Variants in ZNF713 observed in about 807,000 individuals in gnomAD.
ZNF713 encodes zinc finger protein 713.
In ZNF713, 21 loss-of-function variants were observed where a neutral mutation model predicts 28.7. The ratio of observed to expected loss-of-function variants is 0.73; its 90% confidence interval spans 0.52 to 1.05. ZNF713 has a LOEUF of 1.05. Ranked by LOEUF, ZNF713 falls within the 50% of genes least tolerant of loss-of-function variation. The pLI, the probability that ZNF713 is intolerant of heterozygous loss-of-function variation, is 0.00. For synonymous variants in ZNF713, 167 were observed against 178.0 expected (o/e 0.94, Z 0.49); for missense variants, 458 against 532.4 (o/e 0.86, Z 1.37).
At chr7:55,932,108 CTG>C (rs1459348772) in intron 6 of ZNF713, among the ~76,000 whole-genome samples, 2 of 152,322 alleles carry the variant, frequency 1.3e-5, no homozygotes, top group Admixed American at 6.5e-5. Context: ...TCAGGTATAA[CTG>C]TAATCACATA....
At chr7:55,936,034 G>A (rs1584320856) in intron 6 of ZNF713, among the ~76,000 whole-genome samples, 1 of 151,818 alleles carries the variant, frequency 6.6e-6, no homozygotes, top group Non-Finnish European at 1.5e-5. Flanking sequence ...GGAGGCGGAG[G>A]CAGGTGGATC....
chr7:55,894,403 A>G (rs2116167038), intron 1 of ZNF713, among the ~76,000 whole-genome samples: 1 of 152,340 alleles, frequency 6.6e-6, no homozygotes, highest in African/African-American at 2.4e-5. Context: ...ACAATAGTGG[A>G]AAAATGGACA....
intron 4 of ZNF713, 54 bp downstream of exon 4, chr7:55,912,777 C>G (rs1785809659): frequency 9.6e-6 from 14 of 1,462,404 alleles, no homozygotes; most frequent in Non-Finnish European, 1.3e-5. Flanking sequence ...AATGTGGGCA[C>G]TTTTACTTTT....
At chr7:55,918,935 A>G (rs542571291) in intron 4 of ZNF713, among the ~76,000 whole-genome samples, 1 of 152,236 alleles carries the variant, frequency 6.6e-6, no homozygotes, top group East Asian at 1.9e-4. Context: ...CGGAGGTTGC[A>G]GTGAGCCCAG....
intron 4 of ZNF713, among the ~76,000 whole-genome samples, chr7:55,913,718 C>T (rs1177652154): frequency 2.0e-5 from 3 of 152,132 alleles, no homozygotes; most frequent in African/African-American, 4.8e-5. Context: ...ATATTTGCCA[C>T]GTGTCAGTTG....
intron 1 of ZNF713, among the ~76,000 whole-genome samples, chr7:55,905,484 G>A (rs1351608612): frequency 6.6e-6 from 1 of 152,052 alleles, no homozygotes; most frequent in Admixed American, 6.6e-5. Context: ...TGGGGGTTCT[G>A]GAACCAGTGT....
chr7:55,930,498 G>A (rs1435329367), intron 6 of ZNF713, among the ~76,000 whole-genome samples: 2 of 152,110 alleles, frequency 1.3e-5, no homozygotes, highest in African/African-American at 4.8e-5. Flanking sequence ...AGTTTTATGG[G>A]AACACAACCA....
At chr7:55,893,855 C>T (rs541356547) in intron 1 of ZNF713, among the ~76,000 whole-genome samples, 6 of 152,198 alleles carry the variant, frequency 3.9e-5, no homozygotes, top group African/African-American at 9.6e-5. Flanking sequence ...GCTGGGATTA[C>T]AGGCATGAGC....
chr7:55,920,102 G>A (rs1006224115), intron 4 of ZNF713, among the ~76,000 whole-genome samples: 6 of 152,036 alleles, frequency 3.9e-5, no homozygotes, highest in Non-Finnish European at 7.4e-5. Context: ...CCCTACAATG[G>A]CCTCTGAGCA....
chr7:55,919,569 G>A (rs980507584), intron 4 of ZNF713, among the ~76,000 whole-genome samples: 3 of 132,270 alleles, frequency 2.3e-5, no homozygotes, highest in Non-Finnish European at 3.1e-5. Flanking sequence ...GCAGTGGCAC[G>A]ATCCTGGCTC....
intron 1 of ZNF713, among the ~76,000 whole-genome samples, chr7:55,902,024 C>A (rs906903241): frequency 2.0e-5 from 3 of 152,134 alleles, no homozygotes; most frequent in African/African-American, 7.2e-5. Flanking sequence ...AACCTCGTCT[C>A]TACTAAAAAT....
chr7:55,923,391 T>C, intron 5 of ZNF713, 103 bp downstream of exon 5: 1 of 1,448,232 alleles, frequency 6.9e-7, no homozygotes, highest in Non-Finnish European at 9.3e-7. Context: ...TGGGCTGGGA[T>C]AGAAGAATGC....
At position 55,896,227 on chromosome 7, in the gene ZNF713, A is replaced by G. The variant is rs555568685; in HGVS notation, c.-583+8547A>G. Among the ~76,000 whole-genome samples the G allele has an allele frequency of 7.2e-5, 11 of 152,318 alleles. 1 individual carries two copies. In the South Asian group the frequency reaches 2.3e-3, roughly 32 times the overall value. ...AAACACTAATAAATTGGACCTAACT[A>G]CATTACAAAGGAAGGATGTAACCAC... On this transcript the variant is annotated intron_variant, in intron 1 of 6. Transcript: ENST00000429591.
intron 1 of ZNF713, among the ~76,000 whole-genome samples, 199 bp downstream of exon 1, chr7:55,887,879 GCGGCGGC>G (rs1343907645): frequency 0.057 from 1,402 of 24,570 alleles, 413 homozygotes; most frequent in African/African-American, 0.28. Flanking sequence ...GGCGGCGGCG[GCGGCGGC>G]GGGCGGCGGC....
chr7:55,915,936 G>A (rs1404510202), intron 4 of ZNF713, among the ~76,000 whole-genome samples: 1 of 152,116 alleles, frequency 6.6e-6, no homozygotes, highest in Non-Finnish European at 1.5e-5. Context: ...GAGGTTGAAA[G>A]GAGAAAAACC....
intron 2 of ZNF713, among the ~76,000 whole-genome samples, chr7:55,909,292 G>A (rs1785741630): frequency 6.6e-6 from 1 of 150,574 alleles, no homozygotes; most frequent in South Asian, 2.1e-4. Flanking sequence ...TGAATAGGAT[G>A]TCCTTTCCCC....
At chr7:55,925,246 A>T (rs1432731804) in intron 6 of ZNF713, among the ~76,000 whole-genome samples, 3 of 152,178 alleles carry the variant, frequency 2.0e-5, no homozygotes, top group Non-Finnish European at 4.4e-5. Context: ...GTTTTCTGTC[A>T]TTCAAACTCT....
At chr7:55,897,089 T>A (rs545834889) in intron 1 of ZNF713, among the ~76,000 whole-genome samples, 15 of 152,228 alleles carry the variant, frequency 9.9e-5, no homozygotes, top group Non-Finnish European at 1.9e-4. Flanking sequence ...CAGTTTTTCC[T>A]TATGGAAAAA....
At chr7:55,934,884 CTTTTTTT>C (rs35877447) in intron 6 of ZNF713, among the ~76,000 whole-genome samples, 1 of 131,584 alleles carries the variant, frequency 7.6e-6, no homozygotes, top group Admixed American at 7.8e-5. Context: ...CTGGCATTGC[CTTTTTTT>C]TTTTTTTTTT....
Sources: allele counts gnomAD v4.1 joint callset (sites outside exome capture counted in the v4.1 genomes callset), GRCh38; gene constraint gnomAD v4.1.1; transcripts MANE v1.5; gene names NCBI Gene and HGNC (gene_info 2026-07-23, HGNC 2026-07-21).